Variants in MINDY4 observed in about 807,000 individuals in gnomAD.
MINDY4 encodes MINDY lysine 48 deubiquitinase 4, also known as probable ubiquitin carboxyl-terminal hydrolase MINDY-4.
Under a neutral mutation model 87.0 loss-of-function variants are expected in MINDY4, and 68 were observed. That is an observed-to-expected ratio of 0.78 (90% confidence interval 0.64 to 0.96). MINDY4 has a LOEUF of 0.96. MINDY4 is among the 40% of genes least tolerant of loss of function. The probability of loss-of-function intolerance (pLI) is 0.00; values close to 1 mark genes in which losing one functional copy is unlikely to be tolerated. For synonymous variants in MINDY4, 379 were observed against 363.2 expected, an observed-to-expected ratio of 1.04 and a Z score of -0.50; for missense variants, 919 against 928.2, an observed-to-expected ratio of 0.99 and a Z score of 0.13.
At chr7:30,798,780 G>A (rs896154434) in intron 5 of MINDY4, among the ~76,000 whole-genome samples, 1 of 152,210 alleles carries the variant, frequency 6.6e-6, no homozygotes, top group Non-Finnish European at 1.5e-5. Flanking sequence ...TTACAGGCGT[G>A]AGCCACTGCG....
intron 5 of MINDY4, among the ~76,000 whole-genome samples, chr7:30,801,761 C>A (rs568226739): frequency 6.6e-6 from 1 of 152,308 alleles, no homozygotes; most frequent in African/African-American, 2.4e-5. Flanking sequence ...AGTCTCTGAT[C>A]TGATGCGTCT....
intron 4 of MINDY4, 102 bp from the exon 5 acceptor site, chr7:30,791,063 C>T: frequency 8.7e-7 from 1 of 1,155,116 alleles, no homozygotes; most frequent in South Asian, 1.5e-5. Flanking sequence ...AAAAGACATT[C>T]CTGGGAGAGA....
Position 30,771,429 on chromosome 7 carries a change from ACAGACC to A in MINDY4, c.-61_-56del. Reference sequence around the variant, plus strand: ...CGGCAACGCGGCCATACTGCGCCGGACAGACCCAGTTGCCTGGTGCTGCGGCCCGGC... The same window carrying A: ...CGGCAACGCGGCCATACTGCGCCGGACAGTTGCCTGGTGCTGCGGCCCGGC... On this transcript the variant is annotated 5_prime_UTR_variant, in exon 1 of 18. Transcript: ENST00000265299. 7.8e-6 allele frequency: 12 copies of A among 1,536,542 alleles called. No homozygotes were observed. The highest frequency in any genetic ancestry group is 1.1e-5 in the Non-Finnish European group (12 of 1,131,542).
intron 1 of MINDY4, among the ~76,000 whole-genome samples, chr7:30,776,481 A>T (rs1786818684): frequency 6.6e-6 from 1 of 152,066 alleles, no homozygotes; most frequent in South Asian, 2.1e-4. Flanking sequence ...CTGTCTCCTT[A>T]TCCTACTTTG....
At chr7:30,856,152 G>A (rs1049858417) in intron 12 of MINDY4, among the ~76,000 whole-genome samples, 1 of 152,122 alleles carries the variant, frequency 6.6e-6, no homozygotes, top group Middle Eastern at 3.2e-3. Context: ...TCTGTGGAGT[G>A]CAGAGTAGCA....
intron 13 of MINDY4, among the ~76,000 whole-genome samples, chr7:30,871,173 A>G (rs2158464): frequency 0.35 from 53,434 of 152,150 alleles, 14,292 homozygotes; most frequent in African/African-American, 0.74. Context: ...GGGGGGACAG[A>G]CCTGGGACCC....
At chr7:30,823,554 C>T (rs1269813040) in intron 5 of MINDY4, among the ~76,000 whole-genome samples, 2 of 152,098 alleles carry the variant, frequency 1.3e-5, no homozygotes, top group Non-Finnish European at 2.9e-5. Flanking sequence ...TTGTTATATG[C>T]CCATTATTTC....
chr7:30,866,746 C>A (rs1199463280), intron 13 of MINDY4, among the ~76,000 whole-genome samples: 1 of 152,134 alleles, frequency 6.6e-6, no homozygotes, highest in Non-Finnish European at 1.5e-5. Context: ...GGATCAGTTG[C>A]AGAGGGTCTA....
At chr7:30,807,882 C>G (rs7808845) in intron 5 of MINDY4, among the ~76,000 whole-genome samples, 1 of 152,144 alleles carries the variant, frequency 6.6e-6, no homozygotes, top group African/African-American at 2.4e-5. Context: ...ATTGCTCACT[C>G]GGGGAGCTCG....
At chr7:30,862,224 G>A (rs1356990622) in intron 13 of MINDY4, among the ~76,000 whole-genome samples, 3 of 152,208 alleles carry the variant, frequency 2.0e-5, no homozygotes, top group African/African-American at 7.2e-5. Context: ...CCCACCTGGA[G>A]CCCAGGGGAG....
chr7:30,791,918 G>T (rs1019250272), intron 5 of MINDY4, among the ~76,000 whole-genome samples: 1 of 152,162 alleles, frequency 6.6e-6, no homozygotes, highest in Non-Finnish European at 1.5e-5. Flanking sequence ...AATGTTTTAA[G>T]AAAGTTTATG....
chr7:30,841,779 C>T (rs570927798), intron 9 of MINDY4, among the ~76,000 whole-genome samples: 12 of 152,182 alleles, frequency 7.9e-5, no homozygotes, highest in Non-Finnish European at 1.6e-4. Flanking sequence ...CCAGAAGCAT[C>T]CTCTGGTACC....
intron 17 of MINDY4, among the ~76,000 whole-genome samples, chr7:30,886,076 G>A (rs2128582936): frequency 6.6e-6 from 1 of 152,286 alleles, no homozygotes; most frequent in South Asian, 2.1e-4. Flanking sequence ...TGTCAGGAAG[G>A]GGATACACGT....
chr7:30,814,883 T>C (rs1373132635), intron 5 of MINDY4, among the ~76,000 whole-genome samples: 1 of 152,226 alleles, frequency 6.6e-6, no homozygotes, highest in Non-Finnish European at 1.5e-5. Context: ...AACATGTGGC[T>C]CACAGCTCTT....
chr7:30,836,472 G>C (rs970463216), intron 6 of MINDY4, among the ~76,000 whole-genome samples, 186 bp from the exon 7 acceptor site: 1 of 152,212 alleles, frequency 6.6e-6, no homozygotes, highest in African/African-American at 2.4e-5. Context: ...TCTTGATCTG[G>C]TTGCTTTCCT....
rs112033419 is a variant in MINDY4, at chr7:30,844,457, C to T, written c.1445+3609C>T. Reference sequence around the variant, plus strand: ...CCCACCCCAGTCTCCTCCCACTCTCCTGCACTGGTCCTGCCTCAGGTCGCA... The same window carrying T: ...CCCACCCCAGTCTCCTCCCACTCTCTTGCACTGGTCCTGCCTCAGGTCGCA... On this transcript the variant is annotated intron_variant, in intron 9 of 17. Transcript: ENST00000265299. Among the ~76,000 whole-genome samples the T allele has an allele frequency of 8.0e-3, 1,224 of 152,104 alleles. 21 individuals are homozygous for T. The highest frequency in any genetic ancestry group is 0.028 in the African/African-American group (1,175 of 41,530).
chr7:30,814,183 A>T (rs1035920686), intron 5 of MINDY4, among the ~76,000 whole-genome samples: 2 of 152,170 alleles, frequency 1.3e-5, no homozygotes, highest in Non-Finnish European at 2.9e-5. Flanking sequence ...ATTTTCGCAA[A>T]TTTTCCAAAA....
chr7:30,825,955 T>A (rs1222018633), intron 5 of MINDY4, among the ~76,000 whole-genome samples: 1 of 152,148 alleles, frequency 6.6e-6, no homozygotes, highest in Non-Finnish European at 1.5e-5. Flanking sequence ...CAGGGGAGAA[T>A]TTGTTTCCTT....
chr7:30,793,665 C>T (rs1787390573), intron 5 of MINDY4, among the ~76,000 whole-genome samples: 1 of 152,122 alleles, frequency 6.6e-6, no homozygotes, highest in South Asian at 2.1e-4. Flanking sequence ...AAGCCAGCCT[C>T]CCATCGTGGG....
Sources: gnomAD v4.1 joint callset for allele counts (sites outside exome capture counted in the v4.1 genomes callset) on GRCh38, gnomAD v4.1.1 for gene constraint, MANE v1.5 for transcripts, NCBI Gene and HGNC (gene_info 2026-07-23, HGNC 2026-07-21) for gene names.